The following EYS variants were observed in gnomAD, a reference collection of about 807,000 sequenced individuals.
The protein encoded by EYS is EGF-like photoreceptor maintenance factor, also known as protein eyes shut homolog.
A neutral mutation model predicts 282.1 loss-of-function variants in EYS; 250 were observed. The ratio of observed to expected loss-of-function variants is 0.89; its 90% CI spans 0.80 to 0.98. EYS has a LOEUF of 0.98. Among genes scored for constraint, EYS ranks in the 50% least tolerant of loss-of-function variants. EYS has a pLI of 0.00. For synonymous variants in EYS, 1,355 were observed against 1,282.9 expected, an observed-to-expected ratio of 1.06 and a Z score of -1.20; for missense variants, 4,016 against 3,709.0, an observed-to-expected ratio of 1.08 and a Z score of -2.15.
intron 31 of EYS, among the ~76,000 whole-genome samples, chr6:64,170,224 T>G (rs1415233728): frequency 6.6e-6 from 1 of 151,862 alleles, no homozygotes; most frequent in Non-Finnish European, 1.5e-5. Context: ...AAATAGCCAC[T>G]AACAGAAAAT....
chr6:63,958,633 G>A (rs747530311), intron 35 of EYS, among the ~76,000 whole-genome samples: 1 of 152,184 alleles, frequency 6.6e-6, no homozygotes, highest in Non-Finnish European at 1.5e-5. Flanking sequence ...ATGCCTTCTA[G>A]GACTTTCATA....
At position 63,957,594 on chromosome 6, in the gene EYS, C is replaced by T. The variant is rs1397057245; in HGVS notation, c.7055+26789G>A. ...GCCTGCTATGCTGAAAGCTATTTCTCGTATTCAGTGAATTAAATTCTTTAT... is the reference window on the plus strand; with the variant it reads ...GCCTGCTATGCTGAAAGCTATTTCTTGTATTCAGTGAATTAAATTCTTTAT... On this transcript the variant is annotated intron_variant, in intron 35 of 42. Coordinates refer to ENST00000503581, the MANE Select transcript of EYS (RefSeq NM_001142800.2). 1.2e-4 allele frequency among the ~76,000 whole-genome samples: 17 copies of T among 141,006 alleles called. 6 individuals are homozygous for T. The highest frequency in any genetic ancestry group is 3.6e-3 in the Middle Eastern group (1 of 276). The allele number at this position is 141,006 out of a possible 152,430, so 92.5% of individuals were successfully genotyped here.
At chr6:65,411,315 T>C (rs187859166) in intron 5 of EYS, among the ~76,000 whole-genome samples, 6 of 152,220 alleles carry the variant, frequency 3.9e-5, no homozygotes, top group African/African-American at 1.4e-4. Context: ...ATATTTGTCA[T>C]GGCAGTTTCC....
intron 33 of EYS, among the ~76,000 whole-genome samples, chr6:64,005,632 A>G (rs758968684): frequency 7.2e-5 from 11 of 152,252 alleles, no homozygotes; most frequent in Admixed American, 2.0e-4. Flanking sequence ...ATCCATCGTG[A>G]GTTGACTTTT....
At position 64,107,287 on chromosome 6, in the gene EYS, A is replaced by G. The variant is rs1243206864; in HGVS notation, c.6425-25285T>C. Among the ~76,000 whole-genome samples, 10 of 59,640 alleles carry G rather than the reference A, an allele frequency of 1.7e-4. 1 individual carries two copies. The highest frequency in any genetic ancestry group is 8.3e-4 in the African/African-American group (10 of 11,996). 39.1% of individuals were successfully genotyped at this position (59,640 alleles called of 152,430 possible). A position where few individuals can be genotyped will look rare whatever the true frequency, so the allele number is the denominator to read the frequency against. ...TGTGTGTGTGTATATATATATATTT[A>G]TATATATATATATATATATATATAT... On this transcript the variant is annotated intron_variant, in intron 31 of 42. Coordinates refer to ENST00000503581, the MANE Select transcript of EYS (RefSeq NM_001142800.2).
chr6:65,331,323 C>T (rs1769788990), intron 11 of EYS: 1 of 697,276 alleles, frequency 1.4e-6, no homozygotes, highest in Non-Finnish European at 1.8e-6. Context: ...TTCTCTTTTT[C>T]ATTGAGCTTA....
chr6:65,627,360 G>A (rs11753602), intron 2 of EYS, among the ~76,000 whole-genome samples: 31,622 of 151,706 alleles, frequency 0.21, 3,349 homozygotes, highest in East Asian at 0.32. Context: ...AGGTGACAGC[G>A]TGCTGGCAGT....
intron 31 of EYS, among the ~76,000 whole-genome samples, chr6:64,085,282 C>A (rs1229997613): frequency 2.0e-5 from 3 of 151,792 alleles, no homozygotes; most frequent in Non-Finnish European, 4.4e-5. Flanking sequence ...AGCCCTCTGT[C>A]TCTTTCTCTC....
chr6:64,607,545 G>A (rs1266091794), intron 24 of EYS, among the ~76,000 whole-genome samples: 1 of 151,970 alleles, frequency 6.6e-6, no homozygotes. Context: ...TCCCAATCAT[G>A]AGTACTTCAC....
At chr6:64,450,061 C>T (rs555682227) in intron 26 of EYS, among the ~76,000 whole-genome samples, 1 of 151,770 alleles carries the variant, frequency 6.6e-6, no homozygotes, top group South Asian at 2.1e-4. Context: ...CACAACCTGG[C>T]AAATTGGATA....
chr6:65,111,254 T>C (rs1254612114), intron 12 of EYS, among the ~76,000 whole-genome samples: 1 of 152,078 alleles, frequency 6.6e-6, no homozygotes, highest in Non-Finnish European at 1.5e-5. Context: ...AATAACCTGC[T>C]TTTTATTTTT....
chr6:64,997,138 G>A (rs549327606), intron 14 of EYS, among the ~76,000 whole-genome samples: 1 of 152,274 alleles, frequency 6.6e-6, no homozygotes, highest in East Asian at 1.9e-4. Context: ...AACACCAACA[G>A]ATGAGTGAAG....
chr6:65,350,448 C>G (rs1770555112), intron 9 of EYS, among the ~76,000 whole-genome samples: 1 of 151,276 alleles, frequency 6.6e-6, no homozygotes, highest in South Asian at 2.1e-4. Context: ...AATATCAACT[C>G]ACAAATGCAA....
intron 29 of EYS, among the ~76,000 whole-genome samples, chr6:64,313,578 T>G (rs10944462): frequency 0.58 from 88,501 of 151,750 alleles, 26,871 homozygotes; most frequent in Non-Finnish European, 0.67. Context: ...AGACACATAA[T>G]TGTCAGATTC....
chr6:65,076,338 T>C (rs1774050463), intron 12 of EYS, among the ~76,000 whole-genome samples: 1 of 152,024 alleles, frequency 6.6e-6, no homozygotes, highest in South Asian at 2.1e-4. Context: ...AAATATATCA[T>C]ACATATTGAC....
chr6:64,155,392 G>C (rs980576777), intron 31 of EYS, among the ~76,000 whole-genome samples: 1 of 150,502 alleles, frequency 6.6e-6, no homozygotes, highest in African/African-American at 2.5e-5. Flanking sequence ...TGATTAAAGA[G>C]TGAACAGTCC....
chr6:64,814,582 T>TTA (rs1025854087), intron 21 of EYS, among the ~76,000 whole-genome samples: 10 of 151,986 alleles, frequency 6.6e-5, no homozygotes, highest in African/African-American at 2.4e-4. Context: ...AGTTTAGGGT[T>TTA]TATATATATA....
At chr6:64,388,558 C>T in intron 29 of EYS, 132 bp downstream of exon 29, 1 of 752,646 alleles carries the variant, frequency 1.3e-6, no homozygotes, top group Non-Finnish European at 2.0e-6. Context: ...CACTCAAAAA[C>T]TTTTTTGAAA....
chr6:65,330,017 A>G (rs1246895300), intron 11 of EYS: 1 of 984,340 alleles, frequency 1.0e-6, no homozygotes, highest in Non-Finnish European at 1.2e-6. Flanking sequence ...GTTAAATTTA[A>G]AACTTCCAGA....
Sources: allele counts gnomAD v4.1 joint callset (sites outside exome capture counted in the v4.1 genomes callset), GRCh38; gene constraint gnomAD v4.1.1; transcripts MANE v1.5; gene names NCBI Gene and HGNC (gene_info 2026-07-23, HGNC 2026-07-21).